PAAF1: variants seen among roughly 807,000 people sequenced by gnomAD.
PAAF1 encodes the protein proteasomal ATPase associated factor 1, also known as proteasomal ATPase-associated factor 1.
PAAF1 carries 46 observed loss-of-function variants against 52.8 expected under a neutral mutation model. That is an observed-to-expected ratio of 0.87 (90% CI 0.69 to 1.11). The LOEUF (loss-of-function observed/expected upper bound fraction) is 1.11. Among genes scored for constraint, PAAF1 ranks in the 50% most tolerant of loss-of-function variants. The pLI is 0.00. For synonymous variants in PAAF1, 178 were observed against 172.8 expected, an observed-to-expected ratio of 1.03 and a Z score of -0.24; for missense variants, 424 against 477.4, an observed-to-expected ratio of 0.89 and a Z score of 1.04.
intron 1 of PAAF1, 31 bp downstream of exon 1, chr11:73,877,099 A>C: frequency 2.7e-6 from 4 of 1,506,338 alleles, no homozygotes; most frequent in Non-Finnish European, 3.6e-6. Flanking sequence ...GAGTCAGAGG[A>C]GGCGGGTAGT....
At chr11:73,922,052 AT>A in intron 10 of PAAF1, 2 of 833,152 alleles carry the variant, frequency 2.4e-6, no homozygotes, top group Non-Finnish European at 4.0e-6. Context: ...CCTTGAACTA[AT>A]AGATGGCTTC....
At position 73,919,840 on chromosome 11, in the gene PAAF1, T is replaced by C. The variant is rs117784517; in HGVS notation, c.1018+808T>C. On this transcript the variant is annotated intron_variant, in intron 10 of 11. Transcript: ENST00000310571. ...TCAGTTAGGATGTTTTGGGCTGTTA[T>C]TTACAGAACACCCAGCTGAATATGG... Among the ~76,000 whole-genome samples, 1,487 of 152,280 alleles carry C rather than the reference T, an allele frequency of 9.8e-3. 22 individuals carry two copies. The highest frequency in any genetic ancestry group is 0.037 in the Middle Eastern group (11 of 294).
At chr11:73,918,854 C>T (rs1278884935) in intron 9 of PAAF1, 96 bp from the exon 10 acceptor site, 1 of 833,482 alleles carries the variant, frequency 1.2e-6, no homozygotes, top group African/African-American at 1.7e-5. Context: ...ACATTTTATC[C>T]TGTTTGCTCT....
chr11:73,897,278 G>A (rs1329874416), intron 4 of PAAF1, among the ~76,000 whole-genome samples: 1 of 151,460 alleles, frequency 6.6e-6, no homozygotes, highest in Admixed American at 6.6e-5. Flanking sequence ...TGGCCGTGTG[G>A]GGGGCTGACC....
At chr11:73,897,633 C>G (rs899293144) in intron 4 of PAAF1, among the ~76,000 whole-genome samples, 3 of 149,014 alleles carry the variant, frequency 2.0e-5, no homozygotes, top group Non-Finnish European at 4.4e-5. Context: ...GGATGGCGGC[C>G]GGGCAGAGAG....
chr11:73,920,216 A>AT (rs1355113000), intron 10 of PAAF1, among the ~76,000 whole-genome samples: 5 of 152,028 alleles, frequency 3.3e-5, no homozygotes. Flanking sequence ...AAAATATAAT[A>AT]TTTTTTATAT....
chr11:73,884,489 T>C (rs191684756), intron 2 of PAAF1, among the ~76,000 whole-genome samples: 5 of 152,268 alleles, frequency 3.3e-5, no homozygotes, highest in African/African-American at 7.2e-5. Context: ...AGCGAGACCC[T>C]GTCTCAAATA....
intron 7 of PAAF1, 101 bp from the exon 8 acceptor site, chr11:73,914,312 A>C (rs1464498115): frequency 2.1e-5 from 19 of 922,428 alleles, no homozygotes; most frequent in Non-Finnish European, 3.2e-5. Flanking sequence ...TAATAAGTGA[A>C]TCGCTAACAA....
chr11:73,919,102 C>A, intron 10 of PAAF1, 70 bp downstream of exon 10: 1 of 1,391,956 alleles, frequency 7.2e-7, no homozygotes, highest in South Asian at 1.2e-5. Context: ...TTTTAAGTGT[C>A]TGATCTATGG....
intron 6 of PAAF1, among the ~76,000 whole-genome samples, chr11:73,908,194 G>C (rs143403393): frequency 1.3e-5 from 2 of 150,934 alleles, no homozygotes; most frequent in Non-Finnish European, 2.9e-5. Flanking sequence ...ATCAGTGAAA[G>C]CAGCAGCAGC....
In PAAF1 at chr11:73,911,333, C is replaced by T. The variant is rs549526021; in HGVS notation, c.727+1740C>T. Among the ~76,000 whole-genome samples the T allele has an allele frequency of 5.5e-4, 83 of 152,192 alleles. No individual in the cohort carries two copies. The South Asian group carries it at 0.016, about 30-fold the overall frequency. On this transcript the variant is annotated intron_variant, in intron 7 of 11. Coordinates refer to ENST00000310571, the MANE Select transcript of PAAF1 (RefSeq NM_025155.3). ...GAGTAGCTAGGACTCTAGGCATGCA[C>T]CACTACACCTAGCTACTTTTTTTTA... is the stretch of plus-strand genomic sequence containing the variant.
intron 6 of PAAF1, among the ~76,000 whole-genome samples, chr11:73,907,149 G>C (rs541389421): frequency 3.3e-5 from 5 of 149,988 alleles, no homozygotes; most frequent in African/African-American, 1.2e-4. Flanking sequence ...GTGTATTCCT[G>C]AGGCTAGGGA....
Position 73,887,355 on chromosome 11 carries a change from G to A in PAAF1, c.90G>A (p.Gly30=), listed in dbSNP as rs752011822. The change falls in exon 3 of 12, where the codon GGG becomes GGA. Residue 30 remains glycine (G), a splice_region_variant and synonymous_variant. Transcript: ENST00000310571. ...GEAWLSCHPP[G]KPSLYGSLTC... The stretch of plus-strand genomic sequence containing the variant: ...ACATGCTTCTTTTGTACCATATAGG[G>A]AAACCATCTTTGTATGGCAGCCTGA... 55 of 1,607,238 alleles carry A rather than the reference G, an allele frequency of 3.4e-5. No individual in the cohort carries two copies. The highest frequency in any genetic ancestry group is 4.7e-5 in the Non-Finnish European group (55 of 1,177,340).
At position 73,908,341 on chromosome 11, in the gene PAAF1, A is replaced by G. The variant is rs536483108; in HGVS notation, c.533-1058A>G. On this transcript the variant is annotated intron_variant, in intron 6 of 11. Transcript: ENST00000310571. The stretch of plus-strand genomic sequence containing the variant: ...TGTGTATATATGTATATATATGTGT[A>G]TATATGTGTATATATGTGTGTATAT... Among the ~76,000 whole-genome samples, 674 of 145,204 alleles carry G rather than the reference A, an allele frequency of 4.6e-3. 6 individuals are homozygous for G. The highest frequency in any genetic ancestry group is 0.016 in the African/African-American group (615 of 38,930).
At chr11:73,883,717 C>T (rs112565977) in intron 2 of PAAF1, among the ~76,000 whole-genome samples, 4 of 152,038 alleles carry the variant, frequency 2.6e-5, no homozygotes, top group African/African-American at 9.6e-5. Context: ...AACGAGGTTT[C>T]GACATGTTGG....
chr11:73,929,597 A>G lies in PAAF1; in HGVS notation c.*2235A>G, dbSNP rs2135247597. On this transcript the variant is annotated 3_prime_UTR_variant, in exon 12 of 12. Coordinates refer to ENST00000310571, the MANE Select transcript of PAAF1 (RefSeq NM_025155.3). ...GACCTTGGACAGCACCTTCTGCTGCACTGTGTAATCACAGGCAGGTAGCAA... is the reference window on the plus strand; with the variant it reads ...GACCTTGGACAGCACCTTCTGCTGCGCTGTGTAATCACAGGCAGGTAGCAA... The G allele has an allele frequency of 6.6e-6, 1 of 152,392 alleles. No homozygotes were observed. Among genetic ancestry groups the G allele is most frequent in the East Asian group, 1.9e-4 (1 of 5,192 alleles). The allele number at this position is 152,392 out of a possible 1,614,324, so 9.4% of individuals were successfully genotyped here.
intron 5 of PAAF1, among the ~76,000 whole-genome samples, chr11:73,899,563 C>T (rs952890475): frequency 6.6e-6 from 1 of 151,992 alleles, no homozygotes; most frequent in Non-Finnish European, 1.5e-5. Context: ...AGGCATGTGC[C>T]ACCACACACA....
chr11:73,911,047 A>G (rs1341479465), intron 7 of PAAF1, among the ~76,000 whole-genome samples: 1 of 149,178 alleles, frequency 6.7e-6, no homozygotes, highest in African/African-American at 2.5e-5. Flanking sequence ...TGCCTTACCC[A>G]CTCACACATA....
At chr11:73,919,109 A>G in intron 10 of PAAF1, 77 bp downstream of exon 10, 1 of 1,341,398 alleles carries the variant, frequency 7.5e-7, no homozygotes, top group Non-Finnish European at 1.0e-6. Context: ...TGTCTGATCT[A>G]TGGCTGGGTT....
Sources: gnomAD v4.1 joint callset for allele counts (sites outside exome capture counted in the v4.1 genomes callset) on GRCh38, gnomAD v4.1.1 for gene constraint, MANE v1.5 for transcripts, NCBI Gene and HGNC (gene_info 2026-07-23, HGNC 2026-07-21) for gene names.